HHAT: variants seen among roughly 807,000 people sequenced by gnomAD.
HHAT encodes protein-cysteine N-palmitoyltransferase HHAT.
Under a neutral mutation model 70.8 loss-of-function variants are expected in HHAT, and 47 were observed. The observed-to-expected ratio is 0.66, with a 90% CI of 0.53 to 0.85. HHAT has a LOEUF of 0.85. Ranked by LOEUF, HHAT falls within the 40% of genes least tolerant of loss-of-function variation. The pLI, the probability that HHAT is intolerant of heterozygous loss-of-function variation, is 0.00. For missense variants in HHAT, 609 were observed against 604.8 expected (o/e 1.01, Z -0.07); for synonymous variants, 228 against 247.6 (o/e 0.92, Z 0.74).
chr1:210,632,571 C>A (rs1054100944), intron 11 of HHAT, among the ~76,000 whole-genome samples: 5 of 152,152 alleles, frequency 3.3e-5, no homozygotes, highest in Non-Finnish European at 7.3e-5. Context: ...ATGCCTACTC[C>A]CCCCATAGCC....
At chr1:210,473,249 T>C (rs1226362058) in intron 8 of HHAT, among the ~76,000 whole-genome samples, 1 of 152,228 alleles carries the variant, frequency 6.6e-6, no homozygotes, top group Non-Finnish European at 1.5e-5. Context: ...TGGAATTTGG[T>C]ATCTTATTGC....
chr1:210,637,877 G>GGC (rs1553312456), intron 11 of HHAT, among the ~76,000 whole-genome samples: 61 of 149,972 alleles, frequency 4.1e-4, no homozygotes, highest in South Asian at 1.5e-3. Context: ...AAAAAGGGGG[G>GGC]GGCAAAGGAC....
intron 7 of HHAT, among the ~76,000 whole-genome samples, chr1:210,456,113 G>A (rs764398152): frequency 6.6e-6 from 1 of 152,178 alleles, no homozygotes; most frequent in Admixed American, 6.5e-5. Flanking sequence ...AAGGAGCACA[G>A]CCTGGCCTCT....
At chr1:210,576,654 C>T (rs906800133) in intron 9 of HHAT, among the ~76,000 whole-genome samples, 7 of 151,868 alleles carry the variant, frequency 4.6e-5, no homozygotes, top group Admixed American at 1.3e-4. Context: ...TACCCTAAAA[C>T]TTAAAGTATA....
chr1:210,653,130 TATACATACATAC>T (rs113600697), intron 11 of HHAT, among the ~76,000 whole-genome samples: 1 of 151,052 alleles, frequency 6.6e-6, no homozygotes, highest in Non-Finnish European at 1.5e-5. Flanking sequence ...AAAACAGCTT[TATACATACATAC>T]ATACATACAT....
chr1:210,421,446 A>T (rs542380481), intron 7 of HHAT, among the ~76,000 whole-genome samples: 1 of 152,216 alleles, frequency 6.6e-6, no homozygotes, highest in Non-Finnish European at 1.5e-5. Context: ...ACTTTGGTAT[A>T]TCATTTCTTA....
intron 7 of HHAT, among the ~76,000 whole-genome samples, chr1:210,463,317 T>C (rs537693581): frequency 2.0e-5 from 3 of 152,308 alleles, no homozygotes; most frequent in Admixed American, 6.5e-5. Flanking sequence ...CTTTTATTCA[T>C]TGCTGCCCTC....
intron 11 of HHAT, 93 bp downstream of exon 11, chr1:210,623,763 G>T: frequency 1.5e-6 from 2 of 1,302,684 alleles, no homozygotes; most frequent in Non-Finnish European, 2.1e-6. Flanking sequence ...TTTGGGGGAA[G>T]TCATTCATTG....
chr1:210,470,214 T>C (rs925933809), intron 8 of HHAT, among the ~76,000 whole-genome samples: 4 of 152,174 alleles, frequency 2.6e-5, no homozygotes, highest in African/African-American at 4.8e-5. Flanking sequence ...TTGAAGTAGA[T>C]GGAAGGTAGA....
chr1:210,564,603 T>C (rs1654186596), intron 9 of HHAT, among the ~76,000 whole-genome samples: 1 of 152,194 alleles, frequency 6.6e-6, no homozygotes, highest in Non-Finnish European at 1.5e-5. Context: ...AAAAAGGTCA[T>C]TGGTAGTTCT....
intron 7 of HHAT, among the ~76,000 whole-genome samples, chr1:210,450,607 C>CTT (rs35916715): frequency 0.29 from 40,268 of 140,782 alleles, 6,844 homozygotes; most frequent in Admixed American, 0.46. Flanking sequence ...CATTGTAAAT[C>CTT]TTTTTTTTTT....
At chr1:210,432,558 A>T (rs12136541) in intron 7 of HHAT, among the ~76,000 whole-genome samples, 65,712 of 151,728 alleles carry the variant, frequency 0.43, 14,705 homozygotes, top group Admixed American at 0.53. Flanking sequence ...AAGGTGAAAA[A>T]ATAGAGGCAG....
intron 1 of HHAT, among the ~76,000 whole-genome samples, chr1:210,332,937 C>A (rs1571640436): frequency 6.6e-6 from 1 of 152,286 alleles, no homozygotes; most frequent in East Asian, 1.9e-4. Flanking sequence ...TTGTTTTTTA[C>A]TCATTTCGGC....
At chr1:210,509,402 A>T (rs770593255) in intron 8 of HHAT, among the ~76,000 whole-genome samples, 2 of 152,190 alleles carry the variant, frequency 1.3e-5, no homozygotes, top group Non-Finnish European at 2.9e-5. Flanking sequence ...CAGGAAGTTA[A>T]GGTTGGTGCA....
intron 2 of HHAT, among the ~76,000 whole-genome samples, chr1:210,358,644 T>C (rs1279337892): frequency 6.6e-6 from 1 of 152,192 alleles, no homozygotes; most frequent in Admixed American, 6.5e-5. Flanking sequence ...ATTGTACTCA[T>C]GGCTTCCTGG....
At chr1:210,564,031 G>A (rs951500208) in intron 9 of HHAT, among the ~76,000 whole-genome samples, 1 of 152,094 alleles carries the variant, frequency 6.6e-6, no homozygotes, top group African/African-American at 2.4e-5. Flanking sequence ...TCAGCTCACA[G>A]CAACCTCTGC....
intron 10 of HHAT, among the ~76,000 whole-genome samples, chr1:210,604,326 C>T (rs113836441): frequency 0.11 from 16,939 of 151,284 alleles, 1,457 homozygotes; most frequent in African/African-American, 0.24. Context: ...GACCTCATGA[C>T]CTGCCCACTT....
intron 1 of HHAT, among the ~76,000 whole-genome samples, chr1:210,341,700 T>C (rs981340146): frequency 3.3e-5 from 5 of 152,350 alleles, no homozygotes; most frequent in Admixed American, 3.3e-4. Flanking sequence ...CAAATGCAAG[T>C]GGCTCCAGTA....
intron 9 of HHAT, among the ~76,000 whole-genome samples, chr1:210,565,745 C>G: frequency 6.6e-6 from 1 of 152,236 alleles, no homozygotes; most frequent in East Asian, 1.9e-4. Flanking sequence ...CTCTGTGTTT[C>G]TTTGAAGAGG....
Sources: gnomAD v4.1 joint callset for allele counts (sites outside exome capture counted in the v4.1 genomes callset) on GRCh38, gnomAD v4.1.1 for gene constraint, MANE v1.5 for transcripts, NCBI Gene and HGNC (gene_info 2026-07-23, HGNC 2026-07-21) for gene names.